PHEX: variants seen among roughly 807,000 people sequenced by gnomAD.
The protein encoded by PHEX is phosphate-regulating neutral endopeptidase PHEX.
A neutral mutation model predicts 68.0 loss-of-function variants in PHEX; 16 were observed. The observed-to-expected ratio is 0.24, with a 90% confidence interval of 0.16 to 0.36. PHEX has a LOEUF of 0.36. Ranked by LOEUF, PHEX falls within the 10% of genes least tolerant of loss-of-function variation. The probability of loss-of-function intolerance (pLI) is 1.00; values close to 1 mark genes in which losing one functional copy is unlikely to be tolerated. For missense variants in PHEX, 480 were observed against 575.5 expected, an observed-to-expected ratio of 0.83 and a Z score of 1.70; for synonymous variants, 208 against 205.1, an observed-to-expected ratio of 1.01 and a Z score of -0.12.
chrX:22,103,308 T>G (rs964897003), intron 9 of PHEX, among the ~76,000 whole-genome samples: 1 of 111,511 alleles, frequency 9.0e-6, no homozygotes, highest in Non-Finnish European at 1.9e-5. Context: ...TATTTTTTAT[T>G]TTTATTTTTA....
intron 9 of PHEX, among the ~76,000 whole-genome samples, chrX:22,104,186 G>C (rs1930561351): frequency 8.9e-6 from 1 of 111,773 alleles, no homozygotes; most frequent in Admixed American, 9.5e-5. Flanking sequence ...CTCAATTGCT[G>C]CTTCTCCCTT....
intron 20 of PHEX, among the ~76,000 whole-genome samples, chrX:22,229,073 A>G (rs1935614142): frequency 8.9e-6 from 1 of 111,803 alleles, no homozygotes; most frequent in African/African-American, 3.3e-5. Flanking sequence ...ATCCTTTTTT[A>G]TGGCTACACA....
Position 22,241,114 on chromosome X carries a change from T to A in PHEX, c.2071-4219T>A, listed in dbSNP as rs146384953. Among the ~76,000 whole-genome samples, 448 of 111,767 alleles carry A rather than the reference T, an allele frequency of 4.0e-3. 2 individuals are homozygous for A. Among genetic ancestry groups the A allele is most frequent in the Non-Finnish European group, 7.0e-3 (373 of 53,174 alleles). On this transcript the variant is annotated intron_variant, in intron 20 of 21. Coordinates refer to ENST00000379374, the MANE Select transcript of PHEX (RefSeq NM_000444.6). ...GTGCAAACAAATTAGAACTCAGGATTAAGAAACTCACTCAAAACTCCCCAA... is the reference window on the plus strand; with the variant it reads ...GTGCAAACAAATTAGAACTCAGGATAAAGAAACTCACTCAAAACTCCCCAA...
intron 15 of PHEX, among the ~76,000 whole-genome samples, chrX:22,203,919 A>T (rs1934632922): frequency 9.0e-6 from 1 of 111,681 alleles, no homozygotes; most frequent in South Asian, 3.8e-4. Context: ...TTTTTCCTAA[A>T]CCAACAATTC....
At chrX:22,198,920 G>A (rs777856758) in intron 15 of PHEX, among the ~76,000 whole-genome samples, 13 of 111,419 alleles carry the variant, frequency 1.2e-4, no homozygotes, top group African/African-American at 3.9e-4. Flanking sequence ...TATGGCGGAC[G>A]GCGAAGGAGC....
chrX:22,132,067 C>A (rs1459138551), intron 11 of PHEX, among the ~76,000 whole-genome samples: 1 of 111,703 alleles, frequency 9.0e-6, no homozygotes, highest in African/African-American at 3.3e-5. Context: ...GTCCACCTTT[C>A]GGTAGCAGCC....
At chrX:22,236,585 C>G (rs1023465617) in intron 20 of PHEX, among the ~76,000 whole-genome samples, 5 of 112,921 alleles carry the variant, frequency 4.4e-5, no homozygotes, top group African/African-American at 6.4e-5. Flanking sequence ...CAAATATGGC[C>G]TGCTGCCTGT....
chrX:22,234,426 C>CCTGACTGGGGCTGTTGCCTTTTTTT (rs1329449481), intron 20 of PHEX, among the ~76,000 whole-genome samples: 12 of 111,081 alleles, frequency 1.1e-4, no homozygotes, highest in Admixed American at 8.5e-4. Flanking sequence ...TCTATAATTC[C>CCTGACTGGGGCTGTTGCCTTTTTTT]CTGACTGGGG....
chrX:22,039,868 G>A (rs1406544806), intron 2 of PHEX, among the ~76,000 whole-genome samples: 7 of 111,513 alleles, frequency 6.3e-5, no homozygotes, highest in African/African-American at 2.0e-4. Flanking sequence ...CCCAGGAGGC[G>A]GAGGCTGCAG....
intron 15 of PHEX, among the ~76,000 whole-genome samples, chrX:22,212,307 A>G (rs775382918): frequency 7.2e-5 from 8 of 111,211 alleles, no homozygotes; most frequent in African/African-American, 2.3e-4. Flanking sequence ...ACTCCCATGC[A>G]CTATGGGCCT....
intron 12 of PHEX, among the ~76,000 whole-genome samples, chrX:22,156,513 C>T (rs756167303): frequency 2.9e-5 from 3 of 103,898 alleles, no homozygotes; most frequent in East Asian, 3.1e-4. Flanking sequence ...TAGCATATTC[C>T]GGACCAATAA....
chrX:22,203,630 G>A (rs959294839), intron 15 of PHEX, among the ~76,000 whole-genome samples: 2 of 110,637 alleles, frequency 1.8e-5, no homozygotes, highest in Non-Finnish European at 3.8e-5. Flanking sequence ...GAATGGTGTC[G>A]GGCTTATCTG....
chrX:22,097,088 G>A, intron 8 of PHEX, 50 bp downstream of exon 8: 1 of 861,330 alleles, frequency 1.2e-6, no homozygotes, highest in Non-Finnish European at 1.7e-6. Flanking sequence ...CATTTTAGAA[G>A]GGATTGGATT....
In PHEX at chrX:22,138,883, G is replaced by A. The variant is rs944124951; in HGVS notation, c.1404+5259G>A. Among the ~76,000 whole-genome samples, 3 of 111,587 alleles carry A rather than the reference G, an allele frequency of 2.7e-5. No homozygotes were observed. In the Admixed American group the frequency reaches 2.8e-4, roughly 11 times the overall value. On this transcript the variant is annotated intron_variant, in intron 12 of 21. Coordinates refer to ENST00000379374, the MANE Select transcript of PHEX (RefSeq NM_000444.6). Reference sequence around the variant, plus strand: ...ACCGCGGGCTGTGGCTCCCTCCCATGTGCCACCTTCCCGAGCTTGTCCCTT... The same window carrying A: ...ACCGCGGGCTGTGGCTCCCTCCCATATGCCACCTTCCCGAGCTTGTCCCTT...
At chrX:22,241,170 A>ATGAC (rs1936178789) in intron 20 of PHEX, among the ~76,000 whole-genome samples, 1 of 112,337 alleles carries the variant, frequency 8.9e-6, no homozygotes, top group South Asian at 3.7e-4. Flanking sequence ...CTGCACCTGA[A>ATGAC]TGACTATTAG....
intron 8 of PHEX, 122 bp from the exon 9 acceptor site, chrX:22,098,884 C>A (rs776080117): frequency 2.1e-6 from 1 of 466,386 alleles, no homozygotes; most frequent in Non-Finnish European, 3.7e-6. Context: ...TGAGTAGTTG[C>A]ATCTTGAATT....
intron 3 of PHEX, among the ~76,000 whole-genome samples, chrX:22,066,705 G>A (rs1011780718): frequency 1.8e-5 from 2 of 111,785 alleles, no homozygotes; most frequent in Non-Finnish European, 3.8e-5. Flanking sequence ...AGTCTCCCTC[G>A]ACCACACATT....
At chrX:22,183,213 C>T (rs760535774) in intron 14 of PHEX, among the ~76,000 whole-genome samples, 1 of 111,197 alleles carries the variant, frequency 9.0e-6, no homozygotes. Flanking sequence ...CTTCTAGAAA[C>T]TCTGAGCCCC....
intron 11 of PHEX, among the ~76,000 whole-genome samples, chrX:22,125,695 T>TTGCTGTCCCCTTGTGAACATTGC (rs1345372197): frequency 1.8e-5 from 2 of 111,971 alleles, no homozygotes; most frequent in Non-Finnish European, 3.8e-5. Flanking sequence ...GCTGTGAACC[T>TTGCTGTCCCCTTGTGAACATTGC]TGTCCCCTAA....
Sources: gnomAD v4.1 joint callset for allele counts (sites outside exome capture counted in the v4.1 genomes callset) on GRCh38, gnomAD v4.1.1 for gene constraint, MANE v1.5 for transcripts, NCBI Gene and HGNC (gene_info 2026-07-23, HGNC 2026-07-21) for gene names.